Variants in PRKCE observed in about 807,000 individuals in gnomAD.
The protein encoded by PRKCE is protein kinase C epsilon, also known as protein kinase C epsilon type.
Under a neutral mutation model 85.4 loss-of-function variants are expected in PRKCE, and 16 were observed. The ratio of observed to expected loss-of-function variants is 0.19; its 90% CI spans 0.13 to 0.28. The LOEUF (loss-of-function observed/expected upper bound fraction) is 0.28, where lower values mean the gene tolerates loss of function less well. PRKCE is among the 10% of genes least tolerant of loss of function. The probability of loss-of-function intolerance (pLI) is 1.00; values close to 1 mark genes in which losing one functional copy is unlikely to be tolerated. For synonymous variants in PRKCE, 388 were observed against 371.5 expected, an observed-to-expected ratio of 1.04 and a Z score of -0.51; for missense variants, 573 against 975.2, an observed-to-expected ratio of 0.59 and a Z score of 5.49.
intron 1 of PRKCE, among the ~76,000 whole-genome samples, chr2:45,758,144 A>G (rs1352534380): frequency 6.6e-6 from 1 of 152,216 alleles, no homozygotes; most frequent in Non-Finnish European, 1.5e-5. Flanking sequence ...TTGCCTCTCT[A>G]TGCATCCTGG....
At chr2:45,898,056 C>T (rs1696281827) in intron 2 of PRKCE, among the ~76,000 whole-genome samples, 1 of 152,218 alleles carries the variant, frequency 6.6e-6, no homozygotes. Flanking sequence ...ACACCAGGCA[C>T]AGGCGTGGTT....
chr2:46,066,406 GTAGAGGTTGAATTGGC>G (rs1333856878), intron 10 of PRKCE, among the ~76,000 whole-genome samples: 2 of 152,084 alleles, frequency 1.3e-5, no homozygotes, highest in African/African-American at 2.4e-5. Flanking sequence ...AAATAGATAG[GTAGAGGTTGAATTGGC>G]TAAGGCTGTC....
chr2:45,876,687 C>G (rs1258032577), intron 2 of PRKCE, among the ~76,000 whole-genome samples: 1 of 152,240 alleles, frequency 6.6e-6, no homozygotes, highest in East Asian at 1.9e-4. Context: ...CAGTCACTCT[C>G]TCTTATGCCT....
intron 2 of PRKCE, among the ~76,000 whole-genome samples, chr2:45,926,953 T>A (rs538497454): frequency 1.3e-5 from 2 of 151,994 alleles, no homozygotes; most frequent in Non-Finnish European, 2.9e-5. Context: ...GTATAGAACC[T>A]GTATATGTGC....
chr2:45,738,179 T>C (rs1406736619), intron 1 of PRKCE, among the ~76,000 whole-genome samples: 1 of 152,242 alleles, frequency 6.6e-6, no homozygotes, highest in Non-Finnish European at 1.5e-5. Context: ...GTTTTAATTA[T>C]GTTAATTAAA....
intron 12 of PRKCE, among the ~76,000 whole-genome samples, chr2:46,148,761 C>T (rs1053583845): frequency 7.9e-5 from 12 of 152,322 alleles, no homozygotes; most frequent in Admixed American, 1.3e-4. Flanking sequence ...AAATAACTAA[C>T]GACGTAGTGG....
chr2:46,039,559 G>A (rs1448890465), intron 10 of PRKCE, among the ~76,000 whole-genome samples: 5 of 151,856 alleles, frequency 3.3e-5, no homozygotes, highest in Non-Finnish European at 7.4e-5. Context: ...TAGAGGGGGA[G>A]GGGAGAGGGA....
intron 1 of PRKCE, among the ~76,000 whole-genome samples, chr2:45,691,257 C>T (rs1677705023): frequency 6.6e-6 from 1 of 152,148 alleles, no homozygotes; most frequent in Admixed American, 6.5e-5. Flanking sequence ...ATTTTGCCAC[C>T]CTCAGATTTG....
At chr2:45,816,639 G>T (rs1689067541) in intron 1 of PRKCE, among the ~76,000 whole-genome samples, 1 of 152,186 alleles carries the variant, frequency 6.6e-6, no homozygotes. Flanking sequence ...CCAGGGCTTT[G>T]TCTTTGGAGC....
At chr2:45,728,683 A>C (rs544596062) in intron 1 of PRKCE, among the ~76,000 whole-genome samples, 1 of 152,182 alleles carries the variant, frequency 6.6e-6, no homozygotes, top group Non-Finnish European at 1.5e-5. Context: ...GCCTGACTGT[A>C]AGTTGAGGTC....
At chr2:45,883,129 C>G (rs1219309146) in intron 2 of PRKCE, among the ~76,000 whole-genome samples, 1 of 152,252 alleles carries the variant, frequency 6.6e-6, no homozygotes, top group Non-Finnish European at 1.5e-5. Context: ...GACTCTCATT[C>G]CTGCAGCCAG....
chr2:46,010,892 A>G (rs938609813), intron 10 of PRKCE: 1 of 1,484,052 alleles, frequency 6.7e-7, no homozygotes, highest in Non-Finnish European at 8.9e-7. Flanking sequence ...TGTCATATGA[A>G]AAAGAGTAAA....
chr2:46,137,645 C>A (rs1675128492), intron 11 of PRKCE, among the ~76,000 whole-genome samples: 2 of 149,522 alleles, frequency 1.3e-5, no homozygotes. Context: ...TGCCTGTAAT[C>A]CCAGCAACTC....
At chr2:46,025,360 T>C (rs1414770616) in intron 10 of PRKCE, among the ~76,000 whole-genome samples, 2 of 151,978 alleles carry the variant, frequency 1.3e-5, no homozygotes, top group Non-Finnish European at 2.9e-5. Flanking sequence ...ACAACCAGTA[T>C]TTTTTTTAGT....
At chr2:46,165,261 C>T (rs1032986420) in intron 14 of PRKCE, among the ~76,000 whole-genome samples, 2 of 152,240 alleles carry the variant, frequency 1.3e-5, no homozygotes, top group African/African-American at 4.8e-5. Context: ...CCTCCACTTT[C>T]CCTTTTGTAT....
intron 1 of PRKCE, among the ~76,000 whole-genome samples, chr2:45,785,225 G>A (rs1340419890): frequency 5.9e-5 from 9 of 152,096 alleles, no homozygotes; most frequent in East Asian, 1.9e-4. Context: ...GCACGGTGGC[G>A]CACACCTTTA....
intron 2 of PRKCE, among the ~76,000 whole-genome samples, chr2:45,948,804 A>G (rs1355484551): frequency 1.3e-5 from 2 of 152,230 alleles, no homozygotes; most frequent in African/African-American, 4.8e-5. Flanking sequence ...AAAAATATAT[A>G]CAAGACTGCC....
At chr2:45,849,169 A>G (rs976223151) in intron 2 of PRKCE, among the ~76,000 whole-genome samples, 2 of 152,208 alleles carry the variant, frequency 1.3e-5, no homozygotes, top group Non-Finnish European at 1.5e-5. Context: ...CTGTCTGAAG[A>G]TTGAAGGCAG....
At chr2:46,179,004 C>A (rs1466439753) in intron 14 of PRKCE, among the ~76,000 whole-genome samples, 4 of 152,084 alleles carry the variant, frequency 2.6e-5, no homozygotes, top group African/African-American at 9.7e-5. Context: ...GTAGAGACAG[C>A]ATGTCTCAGT....
Sources: gnomAD v4.1 joint callset for allele counts (sites outside exome capture counted in the v4.1 genomes callset) on GRCh38, gnomAD v4.1.1 for gene constraint, MANE v1.5 for transcripts, NCBI Gene and HGNC (gene_info 2026-07-23, HGNC 2026-07-21) for gene names.